Variants in TGFB2 observed in about 807,000 individuals in gnomAD.
The protein encoded by TGFB2 is transforming growth factor beta 2, also known as transforming growth factor beta-2 proprotein.
In TGFB2, 13 loss-of-function variants were observed where a neutral mutation model predicts 42.7. The ratio of observed to expected loss-of-function variants is 0.30; its 90% CI spans 0.20 to 0.48. The LOEUF is 0.48. TGFB2 is among the 20% of genes least tolerant of loss of function. TGFB2 has a pLI of 0.99. For synonymous variants in TGFB2, 193 were observed against 193.6 expected, an observed-to-expected ratio of 1.00 and a Z score of 0.03; for missense variants, 390 against 517.5, an observed-to-expected ratio of 0.75 and a Z score of 2.39.
intron 2 of TGFB2, among the ~76,000 whole-genome samples, chr1:218,426,193 G>A (rs1306711769): frequency 1.3e-5 from 2 of 152,182 alleles, no homozygotes; most frequent in African/African-American, 4.8e-5. Context: ...ATCTGTTGAT[G>A]TATGAATTTG....
chr1:218,415,747 T>C (rs1571884597), intron 2 of TGFB2, among the ~76,000 whole-genome samples: 1 of 134,654 alleles, frequency 7.4e-6, no homozygotes, highest in Non-Finnish European at 1.6e-5. Flanking sequence ...CATATCAGAG[T>C]GGGAAAGGAG....
In TGFB2 at chr1:218,433,168, G is replaced by A. The variant is rs1247687318; in HGVS notation, c.511-914G>A. On this transcript the variant is annotated intron_variant, in intron 2 of 6. Transcript: ENST00000366930. ...ACTGCAACCTCCGTCTCCCGGGTTC[G>A]GGTGATTGTCCTGCTTCAGCCTCCC... is the stretch of plus-strand genomic sequence containing the variant. 5.3e-5 allele frequency among the ~76,000 whole-genome samples: 8 copies of A among 151,950 alleles called. No homozygotes were observed. The East Asian group carries it at 9.7e-4, about 18-fold the overall frequency.
chr1:218,437,349 G>A lies in TGFB2; in HGVS notation c.939G>A (p.Val313=). The change falls in exon 6 of 7, where the codon GTG becomes GTA. Residue 313 remains valine (V), a synonymous_variant. Transcript: ENST00000366930. ...ALDAAYCFRN[V]QDNCCLRPLY... is the part of the protein sequence containing the mutation. Reference sequence around the variant, plus strand: ...TTTTTTTTTTTTTTAACAGAAATGTGCAGGATAATTGCTGCCTACGTCCAC... The same window carrying A: ...TTTTTTTTTTTTTTAACAGAAATGTACAGGATAATTGCTGCCTACGTCCAC... 1 of 1,574,778 alleles carries A rather than the reference G, an allele frequency of 6.4e-7. No homozygotes were observed. Among genetic ancestry groups the A allele is most frequent in the Non-Finnish European group, 8.6e-7 (1 of 1,164,288 alleles).
Position 218,405,286 on chromosome 1 carries a change from A to C in TGFB2, c.464A>C (p.Gln155Pro), listed in dbSNP as rs1293375727. ...VKAEFRVFRL[Q>P]NPKARVPEQR... Reference sequence around the variant, plus strand: ...GCAGAGTTCAGAGTCTTTCGTTTGCAGAACCCAAAAGCCAGAGTGCCTGAA... The same window carrying C: ...GCAGAGTTCAGAGTCTTTCGTTTGCCGAACCCAAAAGCCAGAGTGCCTGAA... The change falls in exon 2 of 7, where the codon CAG (glutamine) becomes CCG (proline). Residue 155 changes from glutamine (Q) to proline (P), a missense_variant. Physicochemically the swap from Gln to Pro is moderately conservative, Grantham distance 76. Coordinates refer to ENST00000366930, the MANE Select transcript of TGFB2 (RefSeq NM_003238.6). 1 of 1,614,222 alleles carries C rather than the reference A, an allele frequency of 6.2e-7. No homozygotes were observed. Among genetic ancestry groups the C allele is most frequent in the South Asian group, 1.1e-5 (1 of 91,084 alleles).
At chr1:218,377,402 T>C (rs1056719640) in intron 1 of TGFB2, among the ~76,000 whole-genome samples, 5 of 152,236 alleles carry the variant, frequency 3.3e-5, no homozygotes, top group South Asian at 2.1e-4. Flanking sequence ...TGAAATTCCA[T>C]TGGAACCCAG....
At chr1:218,381,498 C>T (rs1167799700) in intron 1 of TGFB2, among the ~76,000 whole-genome samples, 2 of 152,078 alleles carry the variant, frequency 1.3e-5, no homozygotes, top group Admixed American at 1.3e-4. Context: ...TCGTGATCCA[C>T]CCGCCTCGGC....
At chr1:218,371,729 G>T (rs905042670) in intron 1 of TGFB2, among the ~76,000 whole-genome samples, 3 of 152,218 alleles carry the variant, frequency 2.0e-5, no homozygotes, top group Non-Finnish European at 2.9e-5. Flanking sequence ...TCCACAATAA[G>T]AATTCAGGCG....
intron 2 of TGFB2, among the ~76,000 whole-genome samples, chr1:218,418,199 A>C (rs1312168459): frequency 6.6e-6 from 1 of 152,234 alleles, no homozygotes; most frequent in Middle Eastern, 3.2e-3. Flanking sequence ...GAGGGGGGCT[A>C]TACCTTGCAA....
intron 1 of TGFB2, among the ~76,000 whole-genome samples, chr1:218,387,318 G>A (rs1335307205): frequency 2.6e-5 from 4 of 152,152 alleles, no homozygotes; most frequent in African/African-American, 9.7e-5. Flanking sequence ...TACAAAAATT[G>A]ACATGCCGTG....
chr1:218,435,593 G>A (rs758214903), intron 4 of TGFB2, among the ~76,000 whole-genome samples: 12 of 152,194 alleles, frequency 7.9e-5, no homozygotes, highest in Non-Finnish European at 1.6e-4. Context: ...GACAAGGCAT[G>A]TTCTATTGCC....
chr1:218,387,713 A>G (rs988282800), intron 1 of TGFB2, among the ~76,000 whole-genome samples: 1 of 152,202 alleles, frequency 6.6e-6, no homozygotes, highest in East Asian at 1.9e-4. Flanking sequence ...ATCCCTTCAC[A>G]GCTCAAGTGG....
intron 2 of TGFB2, among the ~76,000 whole-genome samples, chr1:218,407,497 C>T (rs981349677): frequency 6.6e-6 from 1 of 152,184 alleles, no homozygotes; most frequent in Non-Finnish European, 1.5e-5. Flanking sequence ...TTCTGGGTAG[C>T]ACCAATGGGC....
chr1:218,408,134 T>A (rs1317702290), intron 2 of TGFB2, among the ~76,000 whole-genome samples: 4 of 152,192 alleles, frequency 2.6e-5, no homozygotes, highest in Admixed American at 6.5e-5. Flanking sequence ...GTCACCTAGG[T>A]CCTGTTACCT....
At chr1:218,350,831 A>C (rs1334321148) in intron 1 of TGFB2, among the ~76,000 whole-genome samples, 2 of 152,202 alleles carry the variant, frequency 1.3e-5, no homozygotes, top group Non-Finnish European at 2.9e-5. Context: ...AGAAGTGAGG[A>C]ATTATCATGG....
chr1:218,355,006 A>C (rs1289175862), intron 1 of TGFB2, among the ~76,000 whole-genome samples: 1 of 152,174 alleles, frequency 6.6e-6, no homozygotes, highest in Non-Finnish European at 1.5e-5. Flanking sequence ...GGGTCCAAGC[A>C]ATTCTCCTGC....
At chr1:218,379,992 C>G (rs1445576385) in intron 1 of TGFB2, among the ~76,000 whole-genome samples, 2 of 152,146 alleles carry the variant, frequency 1.3e-5, no homozygotes, top group African/African-American at 4.8e-5. Context: ...AGGCACTCTT[C>G]TAAACACTTT....
At chr1:218,414,361 GACAA>G (rs1036000621) in intron 2 of TGFB2, among the ~76,000 whole-genome samples, 25 of 152,026 alleles carry the variant, frequency 1.6e-4, no homozygotes, top group African/African-American at 5.3e-4. Context: ...AAATGCTACT[GACAA>G]ACAAACAAAC....
chr1:218,363,132 C>G (rs1344492847), intron 1 of TGFB2, among the ~76,000 whole-genome samples: 2 of 152,170 alleles, frequency 1.3e-5, no homozygotes, highest in East Asian at 3.9e-4. Context: ...TAAGGGATGC[C>G]AGAAGATCTG....
chr1:218,421,636 G>A (rs926763923), intron 2 of TGFB2, among the ~76,000 whole-genome samples: 1 of 151,744 alleles, frequency 6.6e-6, no homozygotes, highest in Non-Finnish European at 1.5e-5. Context: ...GTGGGATTGT[G>A]TCCCTTCCCC....
Sources: allele counts gnomAD v4.1 joint callset (sites outside exome capture counted in the v4.1 genomes callset), GRCh38; gene constraint gnomAD v4.1.1; transcripts MANE v1.5; gene names NCBI Gene and HGNC (gene_info 2026-07-23, HGNC 2026-07-21).